The following DCBLD2 variants were observed in gnomAD, a reference collection of about 807,000 sequenced individuals.
DCBLD2 encodes the protein discoidin, CUB and LCCL domain containing 2.
A neutral mutation model predicts 86.8 loss-of-function variants in DCBLD2; 54 were observed. The ratio of observed to expected loss-of-function variants is 0.62; its 90% CI spans 0.50 to 0.78. DCBLD2 has a LOEUF of 0.78. Among genes scored for constraint, DCBLD2 ranks in the 30% least tolerant of loss-of-function variants. The probability of loss-of-function intolerance (pLI) is 0.00; values close to 1 mark genes in which losing one functional copy is unlikely to be tolerated. For synonymous variants in DCBLD2, 354 were observed against 341.3 expected (o/e 1.04, Z -0.41); for missense variants, 908 against 954.2 (o/e 0.95, Z 0.64).
intron 1 of DCBLD2, among the ~76,000 whole-genome samples, chr3:98,899,327 C>T (rs563746732): frequency 2.1e-5 from 3 of 145,174 alleles, no homozygotes; most frequent in Non-Finnish European, 4.5e-5. Flanking sequence ...GGCGCGATCG[C>T]TGCAACCTCC....
intron 2 of DCBLD2, among the ~76,000 whole-genome samples, chr3:98,879,639 G>A (rs1317326842): frequency 1.3e-5 from 2 of 152,016 alleles, no homozygotes; most frequent in East Asian, 3.9e-4. Context: ...CGCCCACCTC[G>A]GTCTGATAAT....
At chr3:98,831,780 T>C (rs1304795776) in intron 3 of DCBLD2, among the ~76,000 whole-genome samples, 2 of 152,222 alleles carry the variant, frequency 1.3e-5, no homozygotes, top group East Asian at 3.8e-4. Context: ...TTTTGATTTC[T>C]ATTTTTATTG....
Position 98,799,428 on chromosome 3 carries a change from C to G in DCBLD2, c.2272G>C (p.Glu758Gln). The G allele has an allele frequency of 6.2e-7, 1 of 1,613,978 alleles. No homozygotes were observed. Among genetic ancestry groups the G allele is most frequent in the Non-Finnish European group, 8.5e-7 (1 of 1,179,878 alleles). Residue 758 changes from glutamate to glutamine, a missense_variant, in exon 16 of 16, where the codon GAA (glutamate) becomes CAA (glutamine). Glu to Gln is a conservative substitution (Grantham distance 29, BLOSUM62 2). Around this residue, in one of 3 missense-constraint regions of DCBLD2, gnomAD observed 606 missense variants for 678.5 expected, o/e 0.89. Transcript: ENST00000326840. ...CCATCCCTTCCTGCTCCTGATACTT[C>G]TTGTGTGCTCTGTGGCACCTGGTAC... The part of the protein sequence containing the change: ...LVYQVPQSTQ[E>Q]VSGAGRDGEC...
chr3:98,852,536 C>T (rs1038041104), intron 2 of DCBLD2, among the ~76,000 whole-genome samples: 4 of 152,170 alleles, frequency 2.6e-5, no homozygotes, highest in Non-Finnish European at 4.4e-5. Flanking sequence ...CGTGAGCCAC[C>T]GCACCCAGCC....
intron 3 of DCBLD2, among the ~76,000 whole-genome samples, chr3:98,831,069 A>ATT (rs760252040): frequency 1.4e-5 from 2 of 142,220 alleles, no homozygotes; most frequent in Non-Finnish European, 3.1e-5. Context: ...AATGCTAGTA[A>ATT]TTTTTTTTTT....
chr3:98,877,739 TG>T (rs1943395725), intron 2 of DCBLD2, among the ~76,000 whole-genome samples: 1 of 152,174 alleles, frequency 6.6e-6, no homozygotes, highest in Non-Finnish European at 1.5e-5. Flanking sequence ...CAGGGTTCCC[TG>T]AAGAAATGGC....
chr3:98,872,260 C>A (rs1259067082), intron 2 of DCBLD2, among the ~76,000 whole-genome samples: 1 of 152,160 alleles, frequency 6.6e-6, no homozygotes, highest in East Asian at 1.9e-4. Context: ...GGGGCCAGAT[C>A]TCTTATAAAT....
rs535774041 is a variant in DCBLD2, at chr3:98,867,826, G to A, written c.433+13714C>T. Among the ~76,000 whole-genome samples, 614 of 149,426 alleles carry A rather than the reference G, an allele frequency of 4.1e-3. 2 individuals carry two copies. Among genetic ancestry groups the A allele is most frequent in the Non-Finnish European group, 6.7e-3 (452 of 67,552 alleles). On this transcript the variant is annotated intron_variant, in intron 2 of 15. Transcript: ENST00000326840. The stretch of plus-strand genomic sequence containing the variant: ...TTTTTTGTTTTTTTTTTTTTGAGAC[G>A]GAGTCTCGCTCTGTCACCCAGGCTG...
chr3:98,873,266 T>C (rs1349783762), intron 2 of DCBLD2, among the ~76,000 whole-genome samples: 3 of 151,876 alleles, frequency 2.0e-5, no homozygotes, highest in Admixed American at 6.6e-5. Context: ...CCACACCAAA[T>C]AGGAGATCAA....
intron 2 of DCBLD2, among the ~76,000 whole-genome samples, chr3:98,856,071 G>A (rs1942926196): frequency 6.6e-6 from 1 of 152,262 alleles, no homozygotes. Context: ...CATCACAGAT[G>A]AGACATTCAT....
intron 13 of DCBLD2, among the ~76,000 whole-genome samples, chr3:98,806,238 T>C (rs1209424004): frequency 6.6e-6 from 1 of 152,214 alleles, no homozygotes; most frequent in Non-Finnish European, 1.5e-5. Context: ...TCCATCTGTG[T>C]AGAGATGTGA....
intron 3 of DCBLD2, among the ~76,000 whole-genome samples, chr3:98,845,861 A>G (rs1942711238): frequency 6.6e-6 from 1 of 152,150 alleles, no homozygotes; most frequent in Non-Finnish European, 1.5e-5. Context: ...GTCTGCCTGG[A>G]AACTCCAATC....
intron 2 of DCBLD2, among the ~76,000 whole-genome samples, chr3:98,866,297 A>G (rs1289350699): frequency 6.6e-6 from 1 of 152,162 alleles, no homozygotes; most frequent in East Asian, 1.9e-4. Context: ...TGTCTTCCAC[A>G]ATGGTTGAAC....
chr3:98,851,345 C>T (rs1042970445), intron 2 of DCBLD2, among the ~76,000 whole-genome samples: 2 of 152,084 alleles, frequency 1.3e-5, no homozygotes, highest in Non-Finnish European at 2.9e-5. Flanking sequence ...TTCACAATTG[C>T]TACAAAGAGA....
At chr3:98,884,664 T>C (rs934373534) in intron 1 of DCBLD2, among the ~76,000 whole-genome samples, 2 of 152,108 alleles carry the variant, frequency 1.3e-5, no homozygotes, top group African/African-American at 4.8e-5. Context: ...ACATTCTTCC[T>C]GTAGGTGGTT....
chr3:98,818,602 AGTGG>A (rs1942064537), intron 8 of DCBLD2, among the ~76,000 whole-genome samples: 1 of 152,218 alleles, frequency 6.6e-6, no homozygotes, highest in South Asian at 2.1e-4. Context: ...CATTTGAGTC[AGTGG>A]ACTAGGACAC....
At chr3:98,802,711 G>C (rs1457616663) in intron 13 of DCBLD2, among the ~76,000 whole-genome samples, 2 of 152,098 alleles carry the variant, frequency 1.3e-5, no homozygotes, top group African/African-American at 2.4e-5. Flanking sequence ...AATCCATCTT[G>C]AATTAATTTT....
chr3:98,804,352 C>A (rs1941790035), intron 13 of DCBLD2, among the ~76,000 whole-genome samples: 1 of 152,154 alleles, frequency 6.6e-6, no homozygotes, highest in Non-Finnish European at 1.5e-5. Context: ...TTGTAGTATT[C>A]TCTGATGGTA....
chr3:98,838,595 C>T (rs1388401782), intron 3 of DCBLD2, among the ~76,000 whole-genome samples: 1 of 148,974 alleles, frequency 6.7e-6, no homozygotes, highest in East Asian at 2.0e-4. Flanking sequence ...TCCTCACATC[C>T]CAGACGATGG....
Sources: gnomAD v4.1 joint callset for allele counts (sites outside exome capture counted in the v4.1 genomes callset) on GRCh38, gnomAD v4.1.1 for gene constraint, gnomAD v4.1.1 regional missense constraint, MANE v1.5 for transcripts, NCBI Gene and HGNC (gene_info 2026-07-23, HGNC 2026-07-21) for gene names.